Variants in DSCAML1 observed in about 807,000 individuals in gnomAD.
DSCAML1 encodes the protein DS cell adhesion molecule like 1.
DSCAML1 carries 38 observed loss-of-function variants against 200.5 expected under a neutral mutation model. That is an observed-to-expected ratio of 0.19 (90% confidence interval 0.15 to 0.25). The LOEUF (loss-of-function observed/expected upper bound fraction) is 0.25. Ranked by LOEUF, DSCAML1 falls within the 10% of genes least tolerant of loss-of-function variation. DSCAML1 has a pLI of 1.00. For synonymous variants in DSCAML1, 1,215 were observed against 1,165.0 expected (o/e 1.04, Z -0.87); for missense variants, 2,223 against 2,858.8 (o/e 0.78, Z 5.07).
chr11:117,795,045 G>A (rs2037445611), intron 1 of DSCAML1, among the ~76,000 whole-genome samples: 1 of 152,178 alleles, frequency 6.6e-6, no homozygotes, highest in Non-Finnish European at 1.5e-5. Flanking sequence ...TGCCTTCTGG[G>A]CCTTTCTCCA....
intron 11 of DSCAML1, among the ~76,000 whole-genome samples, chr11:117,482,696 C>T (rs923054126): frequency 3.3e-5 from 5 of 152,108 alleles, no homozygotes; most frequent in Admixed American, 6.5e-5. Flanking sequence ...GTGACAGTCA[C>T]GGGGCTGCTA....
Position 117,497,843 on chromosome 11 carries a change from C to T in DSCAML1, c.2359+6002G>A, listed in dbSNP as rs142315280. 6.0e-3 allele frequency among the ~76,000 whole-genome samples: 919 copies of T among 152,298 alleles called. 10 individuals carry two copies. Among genetic ancestry groups the T allele is most frequent in the African/African-American group, 0.02 (811 of 41,576 alleles). On this transcript the variant is annotated intron_variant, in intron 11 of 32. Transcript: ENST00000651296. ...GGGCCAAGCACCAGGCCCAGGCCAG[C>T]GTAACTCAGCACCCAGGCCTCAGCC... is the stretch of plus-strand genomic sequence containing the variant.
chr11:117,456,531 A>C (rs2048371842), intron 19 of DSCAML1, among the ~76,000 whole-genome samples: 1 of 152,130 alleles, frequency 6.6e-6, no homozygotes, highest in Non-Finnish European at 1.5e-5. Flanking sequence ...CATGGAAATA[A>C]TGCCTCCCTC....
At chr11:117,776,463 G>A (rs1005594284) in intron 3 of DSCAML1, among the ~76,000 whole-genome samples, 1 of 151,844 alleles carries the variant, frequency 6.6e-6, no homozygotes, top group Non-Finnish European at 1.5e-5. Flanking sequence ...TTCCAGCCTT[G>A]CCTCCCGTCC....
chr11:117,558,822 A>C (rs555654864), intron 3 of DSCAML1, among the ~76,000 whole-genome samples: 2 of 152,354 alleles, frequency 1.3e-5, no homozygotes, highest in African/African-American at 4.8e-5. Flanking sequence ...GGGGCTACAT[A>C]CATCAGCTAA....
intron 3 of DSCAML1, among the ~76,000 whole-genome samples, chr11:117,577,459 T>C (rs866566118): frequency 1.1e-4 from 5 of 43,832 alleles, no homozygotes; most frequent in African/African-American, 3.0e-4. Context: ...CTTCCTTCCT[T>C]TCCTTCCTTC....
At chr11:117,713,973 C>T (rs1225733605) in intron 3 of DSCAML1, among the ~76,000 whole-genome samples, 5 of 152,212 alleles carry the variant, frequency 3.3e-5, no homozygotes, top group Non-Finnish European at 7.3e-5. Context: ...GTGGTTAAAG[C>T]AGAAACCCCG....
intron 3 of DSCAML1, among the ~76,000 whole-genome samples, chr11:117,632,563 A>G (rs1282720239): frequency 6.6e-6 from 1 of 152,326 alleles, no homozygotes; most frequent in South Asian, 2.1e-4. Context: ...CCGATATGCC[A>G]CCAGCCAATG....
chr11:117,609,039 A>C (rs547971346), intron 3 of DSCAML1, among the ~76,000 whole-genome samples: 60 of 147,788 alleles, frequency 4.1e-4, no homozygotes, highest in Admixed American at 1.3e-3. Flanking sequence ...AACAAACAAA[A>C]AAAACAAAAA....
intron 1 of DSCAML1, among the ~76,000 whole-genome samples, chr11:117,788,733 C>G (rs1282067010): frequency 2.0e-5 from 3 of 152,218 alleles, no homozygotes; most frequent in Non-Finnish European, 2.9e-5. Flanking sequence ...GTAGCTACTA[C>G]TCAAGACTCC....
At chr11:117,452,288 C>T (rs4499034) in intron 19 of DSCAML1, among the ~76,000 whole-genome samples, 9,673 of 152,062 alleles carry the variant, frequency 0.064, 445 homozygotes, top group Admixed American at 0.15. Flanking sequence ...TATTTTGAGG[C>T]GATATTATTG....
intron 3 of DSCAML1, among the ~76,000 whole-genome samples, chr11:117,714,730 G>C (rs1193932736): frequency 6.7e-6 from 1 of 148,726 alleles, no homozygotes; most frequent in Non-Finnish European, 1.5e-5. Context: ...GCTGAGGCAG[G>C]AGAATTGCTT....
intron 3 of DSCAML1, among the ~76,000 whole-genome samples, chr11:117,582,458 G>A (rs530406535): frequency 4.6e-5 from 7 of 152,294 alleles, no homozygotes; most frequent in Admixed American, 1.3e-4. Context: ...CTCTTCTTCC[G>A]CTCACAGTAT....
At chr11:117,633,090 C>T (rs1279765015) in intron 3 of DSCAML1, among the ~76,000 whole-genome samples, 2 of 152,158 alleles carry the variant, frequency 1.3e-5, no homozygotes, top group East Asian at 3.9e-4. Context: ...GGAAAGATAG[C>T]ACAAAGCCAG....
intron 1 of DSCAML1, among the ~76,000 whole-genome samples, chr11:117,811,066 G>A (rs1452407379): frequency 1.3e-5 from 2 of 152,150 alleles, no homozygotes; most frequent in Non-Finnish European, 2.9e-5. Flanking sequence ...CTGACTTACA[G>A]TTTCGTTCTG....
intron 1 of DSCAML1, among the ~76,000 whole-genome samples, chr11:117,788,670 GA>G (rs1261481790): frequency 1.3e-5 from 2 of 152,182 alleles, no homozygotes; most frequent in African/African-American, 4.8e-5. Context: ...GGCATGGTGG[GA>G]AGCCTTTTTC....
intron 3 of DSCAML1, among the ~76,000 whole-genome samples, chr11:117,681,690 A>G (rs1323290378): frequency 6.6e-6 from 1 of 152,146 alleles, no homozygotes; most frequent in African/African-American, 2.4e-5. Context: ...TCCCCACTTA[A>G]AAAGGAAACA....
At chr11:117,527,456 G>A (rs1395677425) in intron 4 of DSCAML1, among the ~76,000 whole-genome samples, 1 of 152,208 alleles carries the variant, frequency 6.6e-6, no homozygotes, top group East Asian at 1.9e-4. Context: ...TGTCTAGGGA[G>A]GATGAATGGG....
intron 1 of DSCAML1, among the ~76,000 whole-genome samples, chr11:117,809,119 T>C (rs943884357): frequency 1.2e-4 from 18 of 152,220 alleles, no homozygotes; most frequent in African/African-American, 4.3e-4. Flanking sequence ...AGAGAATGAA[T>C]CTTCCAGATC....
Sources: allele counts gnomAD v4.1 joint callset (sites outside exome capture counted in the v4.1 genomes callset), GRCh38; gene constraint gnomAD v4.1.1; transcripts MANE v1.5; gene names NCBI Gene and HGNC (gene_info 2026-07-23, HGNC 2026-07-21).